The following SMARCC1 variants were observed in gnomAD, a reference collection of about 807,000 sequenced individuals.
SMARCC1 encodes the protein SWI/SNF related BAF chromatin remodeling complex subunit C1, also known as SWI/SNF complex subunit SMARCC1.
A neutral mutation model predicts 147.4 loss-of-function variants in SMARCC1; 43 were observed. That is an observed-to-expected ratio of 0.29 (90% CI 0.23 to 0.38). The LOEUF (loss-of-function observed/expected upper bound fraction) is 0.38, where lower values mean the gene tolerates loss of function less well. SMARCC1 is among the 10% of genes least tolerant of loss of function. The probability of loss-of-function intolerance (pLI) is 1.00; values close to 1 mark genes in which losing one functional copy is unlikely to be tolerated. For synonymous variants in SMARCC1, 495 were observed against 484.4 expected (o/e 1.02, Z -0.29); for missense variants, 1,119 against 1,381.1 (o/e 0.81, Z 3.01).
At chr3:47,649,168 T>C (rs755942073) in intron 21 of SMARCC1, among the ~76,000 whole-genome samples, 8 of 152,248 alleles carry the variant, frequency 5.3e-5, no homozygotes, top group Non-Finnish European at 8.8e-5. Context: ...CTCCACGTGA[T>C]GTAAGTCTGA....
chr3:47,628,126 C>T (rs1165153018), intron 24 of SMARCC1, among the ~76,000 whole-genome samples: 3 of 152,016 alleles, frequency 2.0e-5, no homozygotes, highest in African/African-American at 7.3e-5. Flanking sequence ...AAAGTTTCCA[C>T]ACAGCCAATA....
rs572888785 is a variant in SMARCC1, at chr3:47,728,479, T to C, written c.646+546A>G. Reference sequence around the variant, plus strand: ...ATTTTTGCTTTTATTATTTCCTTTTTCGTTAGGTTTAATTTGGTGTTGTTT... The same window carrying C: ...ATTTTTGCTTTTATTATTTCCTTTTCCGTTAGGTTTAATTTGGTGTTGTTT... On this transcript the variant is annotated intron_variant, in intron 6 of 27. Transcript: ENST00000254480. Among the ~76,000 whole-genome samples the C allele has an allele frequency of 7.2e-5, 11 of 152,276 alleles. No homozygotes were observed. The South Asian group carries it at 1.7e-3, about 23-fold the overall frequency.
chr3:47,643,909 G>C (rs1296445453), intron 21 of SMARCC1, among the ~76,000 whole-genome samples: 1 of 152,154 alleles, frequency 6.6e-6, no homozygotes, highest in Non-Finnish European at 1.5e-5. Flanking sequence ...ACCCCAAAAT[G>C]CAAGGCACGG....
In SMARCC1 at chr3:47,772,012, T is replaced by G. The variant is rs138785280; in HGVS notation, c.315+805A>C. Among the ~76,000 whole-genome samples the G allele has an allele frequency of 2.9e-3, 434 of 152,030 alleles. 2 individuals are homozygous for G. The highest frequency in any genetic ancestry group is 4.1e-3 in the Non-Finnish European group (279 of 67,984). ...GCACAAGAATCGCTGCAGGTTGCAGTGAGCCGAAATCACACCACTGCACTC... is the reference window on the plus strand; with the variant it reads ...GCACAAGAATCGCTGCAGGTTGCAGGGAGCCGAAATCACACCACTGCACTC... On this transcript the variant is annotated intron_variant, in intron 2 of 27. Coordinates refer to ENST00000254480, the MANE Select transcript of SMARCC1 (RefSeq NM_003074.4).
At chr3:47,781,461 G>A (rs1015386534) in intron 1 of SMARCC1, 142 bp downstream of exon 1, 7 of 470,130 alleles carry the variant, frequency 1.5e-5, no homozygotes, top group African/African-American at 8.2e-5. Flanking sequence ...AGCGGGCGGC[G>A]GGGGCGTGGC....
intron 26 of SMARCC1, chr3:47,604,223 T>C: frequency 2.2e-6 from 1 of 455,964 alleles, no homozygotes; most frequent in East Asian, 7.0e-5. Flanking sequence ...TGATGGAGAG[T>C]TTTGTAGAGA....
intron 21 of SMARCC1, among the ~76,000 whole-genome samples, chr3:47,656,014 C>T (rs2033256648): frequency 6.6e-6 from 1 of 152,002 alleles, no homozygotes; most frequent in Admixed American, 6.6e-5. Context: ...AGTTCGAGAC[C>T]AGCCTGGCCA....
At chr3:47,595,451 G>A (rs1337930274) in intron 26 of SMARCC1, among the ~76,000 whole-genome samples, 5 of 151,856 alleles carry the variant, frequency 3.3e-5, no homozygotes, top group South Asian at 2.1e-4. Context: ...CGCTTGAACC[G>A]GAGAGGTGGA....
chr3:47,671,196 A>AACAAAAAAC (rs1553681999), intron 18 of SMARCC1, among the ~76,000 whole-genome samples: 1 of 81,144 alleles, frequency 1.2e-5, no homozygotes, highest in African/African-American at 4.0e-5. Context: ...AAAAAAAAAA[A>AACAAAAAAC]AACACACACA....
intron 5 of SMARCC1, among the ~76,000 whole-genome samples, chr3:47,733,397 G>A (rs564048376): frequency 4.6e-5 from 7 of 151,772 alleles, no homozygotes; most frequent in Non-Finnish European, 7.4e-5. Flanking sequence ...GCCTAGGGAA[G>A]ACCCTGTCTC....
intron 26 of SMARCC1, among the ~76,000 whole-genome samples, chr3:47,593,993 C>T (rs1007658534): frequency 5.9e-5 from 9 of 152,088 alleles, no homozygotes; most frequent in Non-Finnish European, 8.8e-5. Context: ...GGTGAAACCC[C>T]ATTTCTACTA....
At chr3:47,676,434 C>G (rs1252205678) in intron 17 of SMARCC1, among the ~76,000 whole-genome samples, 195 bp downstream of exon 17, 1 of 152,062 alleles carries the variant, frequency 6.6e-6, no homozygotes, top group Non-Finnish European at 1.5e-5. Flanking sequence ...ATTGGTGGGA[C>G]AGCATTAACT....
intron 14 of SMARCC1, among the ~76,000 whole-genome samples, chr3:47,685,115 T>G (rs919744267): frequency 1.3e-5 from 2 of 152,132 alleles, no homozygotes; most frequent in African/African-American, 2.4e-5. Flanking sequence ...CATCACTACT[T>G]CTATGCATTG....
In SMARCC1 at chr3:47,588,272, T is replaced by C. The variant is rs1356768297; in HGVS notation, c.3255A>G (p.Pro1085=). ...PPPPQQQPPP[P]PPADGVPPPP... is the part of the protein sequence containing the mutation. ...GCGGAGGGACCCCATCTGCAGGTGG[T>C]GGTGGCGGTGGCTGCTGCTGTGGTG... Residue 1085 remains proline, a synonymous_variant, in exon 28 of 28, where the codon CCA becomes CCG. Coordinates refer to ENST00000254480, the MANE Select transcript of SMARCC1 (RefSeq NM_003074.4). 1 of 1,613,734 alleles carries C rather than the reference T, an allele frequency of 6.2e-7. No homozygotes were observed. The highest frequency in any genetic ancestry group is 1.1e-5 in the South Asian group (1 of 91,054).
chr3:47,668,800 G>T (rs370246321), intron 19 of SMARCC1, among the ~76,000 whole-genome samples: 1 of 151,752 alleles, frequency 6.6e-6, no homozygotes, highest in East Asian at 1.9e-4. Flanking sequence ...TGGGAGGATC[G>T]CCTGAGCTCG....
intron 22 of SMARCC1, 74 bp downstream of exon 22, chr3:47,638,650 CA>C (rs2033006384): frequency 2.7e-6 from 3 of 1,110,896 alleles, no homozygotes; most frequent in Non-Finnish European, 4.1e-6. Flanking sequence ...AAGAGGGACT[CA>C]AAAACACCCA....
intron 21 of SMARCC1, among the ~76,000 whole-genome samples, chr3:47,644,045 G>C (rs2033085898): frequency 6.6e-6 from 1 of 152,096 alleles, no homozygotes; most frequent in Admixed American, 6.5e-5. Flanking sequence ...AAATTAGCTG[G>C]GCATGGTGAT....
At chr3:47,624,558 C>T (rs2032779963) in intron 24 of SMARCC1, among the ~76,000 whole-genome samples, 1 of 152,180 alleles carries the variant, frequency 6.6e-6, no homozygotes, top group South Asian at 2.1e-4. Flanking sequence ...TCCTATATAG[C>T]AATCTGTAAC....
intron 26 of SMARCC1, among the ~76,000 whole-genome samples, chr3:47,594,468 G>A (rs1011180372): frequency 5.3e-5 from 8 of 152,178 alleles, no homozygotes; most frequent in Admixed American, 2.0e-4. Flanking sequence ...TGCTTGTGCC[G>A]TGTATCTAGG....
Sources: gnomAD v4.1 joint callset for allele counts (sites outside exome capture counted in the v4.1 genomes callset) on GRCh38, gnomAD v4.1.1 for gene constraint, MANE v1.5 for transcripts, NCBI Gene and HGNC (gene_info 2026-07-23, HGNC 2026-07-21) for gene names.